NEK1: variants seen among roughly 807,000 people sequenced by gnomAD.
NEK1 encodes serine/threonine-protein kinase Nek1.
In NEK1, 137 loss-of-function variants were observed where a neutral mutation model predicts 182.1. The observed-to-expected ratio is 0.75, with a 90% CI of 0.65 to 0.87. The LOEUF (loss-of-function observed/expected upper bound fraction) is 0.87, where lower values mean the gene tolerates loss of function less well. Among genes scored for constraint, NEK1 ranks in the 40% least tolerant of loss-of-function variants. The pLI, the probability that NEK1 is intolerant of heterozygous loss-of-function variation, is 0.00. For synonymous variants in NEK1, 513 were observed against 492.2 expected, an observed-to-expected ratio of 1.04 and a Z score of -0.56; for missense variants, 1,391 against 1,494.4, an observed-to-expected ratio of 0.93 and a Z score of 1.14.
At chr4:169,495,883 C>A (rs1008002865) in intron 23 of NEK1, among the ~76,000 whole-genome samples, 107 of 152,226 alleles carry the variant, frequency 7.0e-4, no homozygotes, top group Non-Finnish European at 1.2e-3. Flanking sequence ...CTTGGCAATG[C>A]GGGCTCTTTT....
intron 29 of NEK1, among the ~76,000 whole-genome samples, chr4:169,429,836 C>A (rs1351859471): frequency 1.3e-5 from 2 of 152,036 alleles, no homozygotes; most frequent in African/African-American, 2.4e-5. Flanking sequence ...GGACTTCTGT[C>A]TTTTTCTTAT....
chr4:169,547,825 C>A (rs561965448), intron 18 of NEK1, among the ~76,000 whole-genome samples: 1 of 152,270 alleles, frequency 6.6e-6, no homozygotes, highest in East Asian at 1.9e-4. Context: ...TCCATCAGGT[C>A]ATTTATGTTC....
At chr4:169,543,961 G>A (rs967398934) in intron 18 of NEK1, among the ~76,000 whole-genome samples, 1 of 152,012 alleles carries the variant, frequency 6.6e-6, no homozygotes, top group African/African-American at 2.4e-5. Context: ...TTTTCCTATT[G>A]GAATACCCTT....
intron 33 of NEK1, 147 bp from the exon 34 acceptor site, chr4:169,400,798 T>G (rs1282651050): frequency 5.2e-6 from 3 of 571,750 alleles, no homozygotes; most frequent in Non-Finnish European, 8.3e-6. Flanking sequence ...CATTTTAATA[T>G]TTGTCCTTTA....
intron 23 of NEK1, among the ~76,000 whole-genome samples, chr4:169,504,288 T>C (rs928739416): frequency 1.3e-5 from 2 of 152,192 alleles, no homozygotes; most frequent in Admixed American, 1.3e-4. Context: ...GGTAGGAATG[T>C]AAACTAGTAC....
intron 23 of NEK1, among the ~76,000 whole-genome samples, chr4:169,497,750 T>A (rs1005519405): frequency 6.6e-6 from 1 of 152,272 alleles, no homozygotes; most frequent in South Asian, 2.1e-4. Context: ...TCTAGTCTGA[T>A]TGCACTGTGG....
Position 169,545,067 on chromosome 4 carries a change from T to TA in NEK1, c.1563-7157_1563-7156insT, listed in dbSNP as rs1472115152. 5.7e-4 allele frequency among the ~76,000 whole-genome samples: 87 copies of TA among 151,314 alleles called. 1 individual carries two copies. The highest frequency in any genetic ancestry group is 1.9e-3 in the African/African-American group (80 of 41,372). On this transcript the variant is annotated intron_variant, in intron 18 of 35. Transcript: ENST00000507142. ...CTTCTCTGATTCTTTTTTTTTTTTT[T>TA]TATACTTTAAGTTTTAGGGTACATG... is the stretch of plus-strand genomic sequence containing the variant.
At chr4:169,609,941 G>C (rs1446023068) in intron 2 of NEK1, among the ~76,000 whole-genome samples, 1 of 151,552 alleles carries the variant, frequency 6.6e-6, no homozygotes, top group Non-Finnish European at 1.5e-5. Context: ...TCAAGTATAT[G>C]AACTATGCTC....
chr4:169,531,907 T>A (rs892036879), intron 19 of NEK1, among the ~76,000 whole-genome samples: 2 of 152,106 alleles, frequency 1.3e-5, no homozygotes, highest in African/African-American at 4.8e-5. Flanking sequence ...AACAGAGAAA[T>A]TGAACAAAAT....
intron 11 of NEK1, among the ~76,000 whole-genome samples, chr4:169,580,571 AC>A (rs746772668): frequency 9.2e-5 from 14 of 151,936 alleles, no homozygotes; most frequent in Non-Finnish European, 1.8e-4. Context: ...CAATTCTATA[AC>A]AACGTTCTCA....
intron 23 of NEK1, among the ~76,000 whole-genome samples, chr4:169,490,508 T>C (rs1030903461): frequency 2.0e-5 from 3 of 152,058 alleles, no homozygotes; most frequent in African/African-American, 7.2e-5. Flanking sequence ...AATTACCTGA[T>C]AGAGAAATCA....
chr4:169,438,060 C>A, intron 28 of NEK1, 23 bp downstream of exon 28: 1 of 1,569,372 alleles, frequency 6.4e-7, no homozygotes, highest in South Asian at 1.2e-5. Context: ...AAATATAGCT[C>A]ATTTTGACTC....
chr4:169,522,916 C>T lies in NEK1; in HGVS notation c.1666-14064G>A, dbSNP rs200276030. ...TAGTGGATCTGGGTTGCAGGCCTCT[C>T]TAATACCCAGTCCAAGATATACGGG... On this transcript the variant is annotated intron_variant, in intron 19 of 35. Transcript: ENST00000507142. Among the ~76,000 whole-genome samples the T allele has an allele frequency of 7.9e-5, 12 of 152,290 alleles. No homozygotes were observed. The East Asian group carries it at 2.3e-3, about 29-fold the overall frequency.
chr4:169,483,845 GAC>G (rs1468029081), intron 23 of NEK1, among the ~76,000 whole-genome samples: 3 of 123,180 alleles, frequency 2.4e-5, no homozygotes, highest in African/African-American at 6.5e-5. Context: ...CAGCCTGGGC[GAC>G]AGAGTGAGAC....
At chr4:169,497,911 T>G (rs1301150841) in intron 23 of NEK1, among the ~76,000 whole-genome samples, 1 of 152,176 alleles carries the variant, frequency 6.6e-6, no homozygotes, top group Non-Finnish European at 1.5e-5. Flanking sequence ...TCTGTAGATG[T>G]CTATCAGGTC....
intron 23 of NEK1, among the ~76,000 whole-genome samples, chr4:169,499,353 T>A (rs1035295155): frequency 8.5e-5 from 13 of 152,208 alleles, no homozygotes; most frequent in African/African-American, 3.1e-4. Context: ...TCGAACTTCC[T>A]CCTTTAGCAA....
intron 27 of NEK1, among the ~76,000 whole-genome samples, chr4:169,444,459 G>C (rs1740112538): frequency 6.6e-6 from 1 of 151,866 alleles, no homozygotes; most frequent in South Asian, 2.1e-4. Context: ...AGTGGGAGAA[G>C]GCATACACTT....
At chr4:169,439,345 T>A (rs1029181617) in intron 27 of NEK1, among the ~76,000 whole-genome samples, 1 of 152,200 alleles carries the variant, frequency 6.6e-6, no homozygotes, top group African/African-American at 2.4e-5. Flanking sequence ...CTTAGCTCAG[T>A]TAATTTCCAG....
chr4:169,485,104 G>C (rs537389341), intron 23 of NEK1, among the ~76,000 whole-genome samples: 60 of 152,294 alleles, frequency 3.9e-4, no homozygotes, highest in Non-Finnish European at 5.9e-5. Flanking sequence ...AGCATTGTGA[G>C]AGACAAATTT....
Sources: allele counts gnomAD v4.1 joint callset (sites outside exome capture counted in the v4.1 genomes callset), GRCh38; gene constraint gnomAD v4.1.1; transcripts MANE v1.5; gene names NCBI Gene and HGNC (gene_info 2026-07-23, HGNC 2026-07-21).